Variants in PLCB1 observed in about 807,000 individuals in gnomAD.
The protein encoded by PLCB1 is phospholipase C beta 1.
PLCB1 carries 46 observed loss-of-function variants against 161.8 expected under a neutral mutation model. That is an observed-to-expected ratio of 0.28 (90% CI 0.22 to 0.36). PLCB1 has a LOEUF of 0.36. Ranked by LOEUF, PLCB1 falls within the 10% of genes least tolerant of loss-of-function variation. PLCB1 has a pLI of 1.00. For synonymous variants in PLCB1, 517 were observed against 503.7 expected (o/e 1.03, Z -0.35); for missense variants, 1,016 against 1,472.5 (o/e 0.69, Z 5.07).
chr20:8,697,540 C>T (rs1990609420), intron 10 of PLCB1, 86 bp from the exon 11 acceptor site: 1 of 1,350,046 alleles, frequency 7.4e-7, no homozygotes, highest in African/African-American at 1.4e-5. Context: ...CTTTGTTTTC[C>T]TGTTATTGAG....
chr20:8,430,369 G>C (rs1345688735), intron 3 of PLCB1, among the ~76,000 whole-genome samples: 2 of 150,512 alleles, frequency 1.3e-5, no homozygotes, highest in African/African-American at 2.4e-5. Flanking sequence ...TCCCGGGTCA[G>C]TTTTAAGGCT....
chr20:8,227,236 G>C (rs1979748345), intron 2 of PLCB1, among the ~76,000 whole-genome samples: 2 of 152,242 alleles, frequency 1.3e-5, no homozygotes, highest in South Asian at 4.1e-4. Flanking sequence ...TCTAGGTCAT[G>C]AATGAGGAAG....
intron 2 of PLCB1, among the ~76,000 whole-genome samples, chr20:8,180,430 T>G (rs568737350): frequency 6.6e-6 from 1 of 152,278 alleles, no homozygotes; most frequent in South Asian, 2.1e-4. Flanking sequence ...TTATTGTGTG[T>G]TTGCCAGATT....
intron 31 of PLCB1, among the ~76,000 whole-genome samples, chr20:8,812,724 G>A (rs1984889501): frequency 6.6e-6 from 1 of 152,200 alleles, no homozygotes. Context: ...ATTTGGGAGA[G>A]CTGAAAATGG....
At chr20:8,714,571 G>C (rs527528474) in intron 12 of PLCB1, among the ~76,000 whole-genome samples, 2 of 152,258 alleles carry the variant, frequency 1.3e-5, no homozygotes, top group South Asian at 4.2e-4. Context: ...GACCTCCAAT[G>C]CTTTTCAGGA....
intron 3 of PLCB1, among the ~76,000 whole-genome samples, chr20:8,547,200 G>C (rs899917330): frequency 2.6e-5 from 4 of 152,114 alleles, no homozygotes; most frequent in Admixed American, 2.0e-4. Flanking sequence ...CAAGCAATTT[G>C]TTTTCTGTGT....
chr20:8,683,896 T>C (rs1300868178), intron 9 of PLCB1, among the ~76,000 whole-genome samples: 2 of 152,108 alleles, frequency 1.3e-5, no homozygotes, highest in Non-Finnish European at 2.9e-5. Flanking sequence ...CACCTTTTTT[T>C]TTTTTGAGAC....
chr20:8,276,817 G>GC (rs1351637681), intron 2 of PLCB1, among the ~76,000 whole-genome samples: 1 of 151,870 alleles, frequency 6.6e-6, no homozygotes, highest in African/African-American at 2.4e-5. Context: ...ATATACAACA[G>GC]CACAACCATA....
intron 2 of PLCB1, among the ~76,000 whole-genome samples, chr20:8,243,359 C>T (rs1395590625): frequency 1.3e-5 from 2 of 151,954 alleles, no homozygotes; most frequent in East Asian, 3.9e-4. Flanking sequence ...TAAATATTTC[C>T]TTCTTGTACT....
At chr20:8,655,197 A>G (rs1017305658) in intron 7 of PLCB1, among the ~76,000 whole-genome samples, 21 of 152,134 alleles carry the variant, frequency 1.4e-4, no homozygotes, top group Admixed American at 1.4e-3. Flanking sequence ...TTGTTCTATC[A>G]AATTATGTGT....
chr20:8,516,512 C>G (rs1283483668), intron 3 of PLCB1, among the ~76,000 whole-genome samples: 1 of 151,874 alleles, frequency 6.6e-6, no homozygotes, highest in Non-Finnish European at 1.5e-5. Context: ...GAGATAGTTT[C>G]CCTTTTATAC....
At chr20:8,193,858 G>C (rs1396378385) in intron 2 of PLCB1, among the ~76,000 whole-genome samples, 1 of 151,984 alleles carries the variant, frequency 6.6e-6, no homozygotes, top group Non-Finnish European at 1.5e-5. Context: ...AGTAAATGCT[G>C]TGTGGTATAT....
At chr20:8,263,418 C>T (rs1237536296) in intron 2 of PLCB1, among the ~76,000 whole-genome samples, 2 of 152,084 alleles carry the variant, frequency 1.3e-5, no homozygotes, top group African/African-American at 4.8e-5. Context: ...AGGTTATTTC[C>T]TCAAATATGA....
chr20:8,347,897 G>A (rs1367895572), intron 2 of PLCB1, among the ~76,000 whole-genome samples: 15 of 152,052 alleles, frequency 9.9e-5, no homozygotes, highest in Non-Finnish European at 1.6e-4. Context: ...GCATGAACCC[G>A]GGAGGTGGAG....
chr20:8,590,817 C>T (rs1219625520), intron 3 of PLCB1, among the ~76,000 whole-genome samples: 2 of 152,092 alleles, frequency 1.3e-5, no homozygotes, highest in African/African-American at 4.8e-5. Context: ...AATAATCCTA[C>T]TTTAATTTTT....
intron 5 of PLCB1, 46 bp from the exon 6 acceptor site, chr20:8,647,854 G>A: frequency 6.8e-7 from 1 of 1,479,860 alleles, no homozygotes; most frequent in South Asian, 1.1e-5. Flanking sequence ...AGAAAAAAAA[G>A]CTTTTTTAAA....
chr20:8,803,654 C>T (rs1305186440), intron 31 of PLCB1, among the ~76,000 whole-genome samples: 1 of 152,104 alleles, frequency 6.6e-6, no homozygotes, highest in African/African-American at 2.4e-5. Context: ...ATCAGGGAGA[C>T]CTTGACAATT....
At chr20:8,876,605 C>A (rs373678886) in intron 31 of PLCB1, among the ~76,000 whole-genome samples, 1 of 152,180 alleles carries the variant, frequency 6.6e-6, no homozygotes, top group Non-Finnish European at 1.5e-5. Flanking sequence ...AGTCACAAAA[C>A]AAGCATTTGC....
intron 9 of PLCB1, among the ~76,000 whole-genome samples, chr20:8,683,002 T>C (rs750702052): frequency 2.0e-5 from 3 of 152,098 alleles, no homozygotes; most frequent in Non-Finnish European, 4.4e-5. Context: ...TCAATGATAA[T>C]AGAATATTAT....
Sources: gnomAD v4.1 joint callset for allele counts (sites outside exome capture counted in the v4.1 genomes callset) on GRCh38, gnomAD v4.1.1 for gene constraint, MANE v1.5 for transcripts, NCBI Gene and HGNC (gene_info 2026-07-23, HGNC 2026-07-21) for gene names.